The following HEG1 variants were observed in gnomAD, a reference collection of about 807,000 sequenced individuals.
HEG1 encodes the protein heart development protein with EGF like domains 1.
Under a neutral mutation model 125.6 loss-of-function variants are expected in HEG1, and 56 were observed. The ratio of observed to expected loss-of-function variants is 0.45; its 90% CI spans 0.36 to 0.56. The LOEUF (loss-of-function observed/expected upper bound fraction) is 0.56, where lower values mean the gene tolerates loss of function less well. Among genes scored for constraint, HEG1 ranks in the 20% least tolerant of loss-of-function variants. HEG1 has a pLI of 0.00. For synonymous variants in HEG1, 644 were observed against 668.5 expected (o/e 0.96, Z 0.57); for missense variants, 1,523 against 1,670.0 (o/e 0.91, Z 1.53).
chr3:125,012,107 T>C, intron 6 of HEG1, among the ~76,000 whole-genome samples: 1 of 152,186 alleles, frequency 6.6e-6, no homozygotes, highest in East Asian at 1.9e-4. Context: ...TGGGCTTCCC[T>C]GGATCAAGAG....
chr3:125,027,451 C>T lies in HEG1; in HGVS notation c.667G>A (p.Ala223Thr), dbSNP rs201948345. ...SSSEFDERIA[A>T]FQTKSGTASE... ...GCTGTTCCACTCTTTGTTTGAAAAG[C>T]GGCAATTCTTTCATCGAACTCTGAA... The change falls in exon 3 of 17, where the codon GCT (alanine) becomes ACT (threonine). Residue 223 changes from alanine (A) to threonine (T), a missense_variant. Ala to Thr is a moderately conservative substitution (Grantham distance 58). Coordinates refer to ENST00000311127, the MANE Select transcript of HEG1 (RefSeq NM_020733.2). 34 of 1,613,644 alleles carry T rather than the reference C, an allele frequency of 2.1e-5. No individual in the cohort carries two copies. Among genetic ancestry groups the T allele is most frequent in the Admixed American group, 1.2e-4 (7 of 59,982 alleles).
Position 125,012,924 on chromosome 3 carries a change from A to G in HEG1, c.2655T>C (p.His885=), listed in dbSNP as rs1937177887. ...AGATTTGAGGAACTAGTATTTCAGG[A>G]TGGGTCAGCGAGAGCTGTTTTCCAG... ...TTAGKQLSLT[H]PEILVPQIST... Residue 885 remains histidine (H), a synonymous_variant, in exon 6 of 17, where the codon CAT becomes CAC. Transcript: ENST00000311127. The G allele has an allele frequency of 6.2e-7, 1 of 1,613,868 alleles. No individual in the cohort carries two copies. The highest frequency in any genetic ancestry group is 1.1e-5 in the South Asian group (1 of 91,090).
chr3:125,043,723 G>A (rs902894522), intron 1 of HEG1, among the ~76,000 whole-genome samples: 1 of 152,198 alleles, frequency 6.6e-6, no homozygotes, highest in Non-Finnish European at 1.5e-5. Context: ...GCGGGGTGGT[G>A]CGGGCCTTCC....
chr3:125,046,390 TATACAC>T (rs1167852289), intron 1 of HEG1, among the ~76,000 whole-genome samples: 1 of 108,534 alleles, frequency 9.2e-6, no homozygotes, highest in Non-Finnish European at 1.8e-5. Flanking sequence ...TATATATATA[TATACAC>T]ATACACACAC....
intron 11 of HEG1, among the ~76,000 whole-genome samples, chr3:125,000,881 T>C (rs2107695734): frequency 6.6e-6 from 1 of 152,228 alleles, no homozygotes; most frequent in East Asian, 1.9e-4. Context: ...CCAGCCCTAC[T>C]TGTGTAGTAA....
chr3:125,001,701 A>T, intron 11 of HEG1, 151 bp downstream of exon 11: 1 of 723,704 alleles, frequency 1.4e-6, no homozygotes, highest in South Asian at 1.9e-5. Flanking sequence ...AAGAAGATGC[A>T]TGTGCACAAA....
chr3:125,030,290 T>C (rs1937479738), intron 1 of HEG1, among the ~76,000 whole-genome samples: 1 of 152,198 alleles, frequency 6.6e-6, no homozygotes, highest in African/African-American at 2.4e-5. Context: ...ACTCTGGCAA[T>C]ATTACTGAAA....
At chr3:125,042,330 A>G (rs1346133615) in intron 1 of HEG1, among the ~76,000 whole-genome samples, 1 of 152,222 alleles carries the variant, frequency 6.6e-6, no homozygotes, top group South Asian at 2.1e-4. Context: ...CAGGAGGCTG[A>G]GGTACAAGAA....
intron 1 of HEG1, among the ~76,000 whole-genome samples, chr3:125,047,563 C>T (rs1051354242): frequency 3.3e-5 from 5 of 151,728 alleles, no homozygotes; most frequent in Non-Finnish European, 7.4e-5. Context: ...GCAGGGCTCT[C>T]GTCTACACCC....
chr3:125,055,456 A>G, intron 1 of HEG1, 119 bp downstream of exon 1: 1 of 621,192 alleles, frequency 1.6e-6, no homozygotes, highest in Non-Finnish European at 2.2e-6. Context: ...ACGCCGGGCG[A>G]GGAGCCCCCA....
intron 5 of HEG1, 145 bp from the exon 6 acceptor site, chr3:125,014,135 T>C (rs1937206884): frequency 4.1e-6 from 3 of 735,334 alleles, no homozygotes; most frequent in Non-Finnish European, 4.3e-6. Context: ...TTTTCAAGGG[T>C]GAGCACTCTG....
At position 125,029,099 on chromosome 3, in the gene HEG1, C is replaced by T. The variant is rs1233679232; in HGVS notation, c.610+96G>A. The stretch of plus-strand genomic sequence containing the variant: ...CCAGCCTAGGAACCTTGGAAGGGCA[C>T]AATGGCTCAGAATGGGGTTGTGGGG... On this transcript the variant is annotated intron_variant, in intron 2 of 16. Transcript: ENST00000311127. 6 of 1,372,530 alleles carry T rather than the reference C, an allele frequency of 4.4e-6. No individual in the cohort carries two copies. In the South Asian group the frequency reaches 7.0e-5, roughly 16 times the overall value. 85.0% of individuals were successfully genotyped at this position (1,372,530 alleles called of 1,614,324 possible).
In HEG1 at chr3:124,965,947, A is replaced by G. The variant is rs934524930; in HGVS notation, c.*4705T>C. The G allele has an allele frequency of 7.2e-5, 11 of 152,232 alleles. No individual in the cohort carries two copies. The highest frequency in any genetic ancestry group is 2.7e-4 in the African/African-American group (11 of 41,462). The allele number at this position is 152,232 out of a possible 1,614,324, so 9.4% of individuals were successfully genotyped here. A position where few individuals can be genotyped will look rare whatever the true frequency, so the allele number is the denominator to read the frequency against. ...ACAAAGAGAAATCCAGGACAACATG[A>G]AAACTCCCAAAGTTCATATTCCAGC... On this transcript the variant is annotated 3_prime_UTR_variant, in exon 17 of 17. Coordinates refer to ENST00000311127, the MANE Select transcript of HEG1 (RefSeq NM_020733.2).
At position 125,012,977 on chromosome 3, in the gene HEG1, T is replaced by G; in HGVS notation, c.2602A>C (p.Thr868Pro). ...GTAGTCTGTACGGCTATAGGGCCAGTGACCAGAGATGCTGTGCTTGACAGG... is the reference window on the plus strand; with the variant it reads ...GTAGTCTGTACGGCTATAGGGCCAGGGACCAGAGATGCTGTGCTTGACAGG... ...GTLSSTASLV[T>P]GPIAVQTTAG... The change falls in exon 6 of 17, where the codon ACT (threonine) becomes CCT (proline). Residue 868 changes from threonine to proline, a missense_variant. Coordinates refer to ENST00000311127, the MANE Select transcript of HEG1 (RefSeq NM_020733.2). The G allele has an allele frequency of 1.2e-6, 2 of 1,614,082 alleles. No individual in the cohort carries two copies. The highest frequency in any genetic ancestry group is 8.5e-7 in the Non-Finnish European group (1 of 1,179,912).
intron 1 of HEG1, among the ~76,000 whole-genome samples, chr3:125,046,744 A>C (rs1035274863): frequency 6.6e-6 from 1 of 152,244 alleles, no homozygotes; most frequent in African/African-American, 2.4e-5. Flanking sequence ...TTTTCAATCC[A>C]GGAGGTTTGC....
At chr3:125,019,224 C>T (rs1222786820) in intron 5 of HEG1, 38 bp downstream of exon 5, 6 of 1,532,536 alleles carry the variant, frequency 3.9e-6, no homozygotes, top group East Asian at 2.3e-5. Flanking sequence ...TCCCTCTCTC[C>T]TCTATGGGGC....
At chr3:124,986,702 C>G (rs1936745627) in intron 14 of HEG1, among the ~76,000 whole-genome samples, 1 of 152,162 alleles carries the variant, frequency 6.6e-6, no homozygotes, top group East Asian at 1.9e-4. Flanking sequence ...CCAGACAGGC[C>G]TCTGCCCTCT....
chr3:124,999,836 A>G (rs938903325), intron 11 of HEG1, among the ~76,000 whole-genome samples: 1 of 152,260 alleles, frequency 6.6e-6, no homozygotes, highest in Non-Finnish European at 1.5e-5. Flanking sequence ...AAGTAAATCT[A>G]AAGCTGAGAC....
intron 14 of HEG1, among the ~76,000 whole-genome samples, chr3:124,984,251 G>A (rs767986531): frequency 7.2e-5 from 11 of 152,144 alleles, no homozygotes; most frequent in Non-Finnish European, 1.5e-4. Flanking sequence ...CTGTCAGTGG[G>A]GAAGGCAGAC....
Sources: allele counts gnomAD v4.1 joint callset (sites outside exome capture counted in the v4.1 genomes callset), GRCh38; gene constraint gnomAD v4.1.1; transcripts MANE v1.5; gene names NCBI Gene and HGNC (gene_info 2026-07-23, HGNC 2026-07-21).